CACHD1: variants seen among roughly 807,000 people sequenced by gnomAD.
CACHD1 encodes VWFA and cache domain-containing protein 1.
In CACHD1, 71 loss-of-function variants were observed where a neutral mutation model predicts 138.7. The observed-to-expected ratio is 0.51, with a 90% CI of 0.42 to 0.62. CACHD1 has a LOEUF of 0.62. Among genes scored for constraint, CACHD1 ranks in the 20% least tolerant of loss-of-function variants. The probability of loss-of-function intolerance (pLI) is 0.00; values close to 1 mark genes in which losing one functional copy is unlikely to be tolerated. For missense variants in CACHD1, 1,389 were observed against 1,625.3 expected, an observed-to-expected ratio of 0.85 and a Z score of 2.50; for synonymous variants, 578 against 591.5, an observed-to-expected ratio of 0.98 and a Z score of 0.33.
intron 7 of CACHD1, among the ~76,000 whole-genome samples, chr1:64,640,973 T>C (rs1272540586): frequency 6.6e-6 from 1 of 152,126 alleles, no homozygotes; most frequent in African/African-American, 2.4e-5. Context: ...CAGCCCTATT[T>C]GGAAAATAAT....
intron 3 of CACHD1, among the ~76,000 whole-genome samples, chr1:64,583,103 T>C (rs546376417): frequency 6.6e-6 from 1 of 152,370 alleles, no homozygotes; most frequent in East Asian, 1.9e-4. Context: ...GCATGACAAG[T>C]GCTCTTGCGG....
rs140966471 is a variant in CACHD1, at chr1:64,543,402, CAT to C, written c.199-7169_199-7168del. On this transcript the variant is annotated intron_variant, in intron 1 of 26. Coordinates refer to ENST00000651257, the MANE Select transcript of CACHD1 (RefSeq NM_020925.4). ...GAGATCCTATCTCTAAAAAAAAATA[CAT>C]ATATATATATATATATATATATTTA... Among the ~76,000 whole-genome samples, 1,046 of 126,860 alleles carry C rather than the reference CAT, an allele frequency of 8.2e-3. 24 individuals are homozygous for C. Among genetic ancestry groups the C allele is most frequent in the African/African-American group, 0.032 (973 of 30,608 alleles). 83.2% of individuals were successfully genotyped at this position (126,860 alleles called of 152,430 possible).
At chr1:64,592,290 G>A (rs540515819) in intron 3 of CACHD1, among the ~76,000 whole-genome samples, 2 of 152,272 alleles carry the variant, frequency 1.3e-5, no homozygotes, top group African/African-American at 4.8e-5. Context: ...CAACTTGTCT[G>A]TACCATCTTC....
intron 2 of CACHD1, among the ~76,000 whole-genome samples, chr1:64,561,169 G>A (rs573256537): frequency 7.1e-6 from 1 of 140,992 alleles, no homozygotes; most frequent in Non-Finnish European, 1.6e-5. Context: ...TTTTTTTTCT[G>A]TTTTTTTTTT....
chr1:64,690,890 C>G (rs1650527001), intron 26 of CACHD1, among the ~76,000 whole-genome samples: 1 of 152,188 alleles, frequency 6.6e-6, no homozygotes, highest in African/African-American at 2.4e-5. Flanking sequence ...AGATCTTCTT[C>G]TTGAAGCTGT....
In CACHD1 at chr1:64,470,677, G is replaced by C. The variant is rs1055132827; in HGVS notation, c.-68G>C. ...TTTGCGGGGTGCGCCGCGCTTTTGC[G>C]GGGGGCACCTCCCGCGGCCCGCTTC... On this transcript the variant is annotated 5_prime_UTR_variant, in exon 1 of 27. Transcript: ENST00000651257. The surrounding 1 kb of genome is among the most constrained non-coding windows in gnomAD (Gnocchi z 5.2). The C allele has an allele frequency of 2.2e-6, 1 of 457,576 alleles. No individual in the cohort carries two copies. Among genetic ancestry groups the C allele is most frequent in the Non-Finnish European group, 3.8e-6 (1 of 262,638 alleles). The allele number at this position is 457,576 out of a possible 1,614,324, so 28.3% of individuals were successfully genotyped here. A position where few individuals can be genotyped will look rare whatever the true frequency, so the allele number is the denominator to read the frequency against.
rs1235998444 is a variant in CACHD1 at position 64,654,718 on chromosome 1, C to A, written c.1697C>A (p.Pro566His). ...LPLGSQIIAVPVNSSLSWHIN... is the reference protein window; with the variant it reads ...LPLGSQIIAVHVNSSLSWHIN... ...CTGGGCAGCCAGATTATCGCAGTCC[C>A]TGTGAACTCATCCCTGTCTTGGCAC... Residue 566 changes from proline (P) to histidine (H), a missense_variant, in exon 12 of 27, where the codon CCT becomes CAT. Pro to His is a moderately conservative substitution (Grantham distance 77). Coordinates refer to ENST00000651257, the MANE Select transcript of CACHD1 (RefSeq NM_020925.4). 2.5e-6 allele frequency: 4 copies of A among 1,613,776 alleles called. No homozygotes were observed. In the African/African-American group the frequency reaches 5.3e-5, roughly 22 times the overall value.
chr1:64,608,685 T>C (rs1647416945), intron 4 of CACHD1, among the ~76,000 whole-genome samples: 1 of 152,226 alleles, frequency 6.6e-6, no homozygotes, highest in African/African-American at 2.4e-5. Context: ...AGTTTGACAG[T>C]GCATGTGTTA....
chr1:64,636,129 T>G (rs1648518877), intron 7 of CACHD1, among the ~76,000 whole-genome samples: 1 of 151,948 alleles, frequency 6.6e-6, no homozygotes, highest in Non-Finnish European at 1.5e-5. Context: ...AAAAAATCTG[T>G]TTATAGTTTT....
At position 64,682,050 on chromosome 1, in the gene CACHD1, A is replaced by AGTG. The variant is rs1650210524; in HGVS notation, c.3530_3531insGTG (p.His1177delinsGlnCys). ...GCTGCGGTCATCGAACGACATGCAC[A>AGTG]CAGTCCAGAAAGAAGGCGCCGCTAC... On this transcript the variant is annotated protein_altering_variant, in exon 26 of 27. Transcript: ENST00000651257. 3 of 1,614,012 alleles carry AGTG rather than the reference A, an allele frequency of 1.9e-6. No individual in the cohort carries two copies. Among genetic ancestry groups the AGTG allele is most frequent in the Admixed American group, 3.3e-5 (2 of 59,996 alleles).
intron 2 of CACHD1, among the ~76,000 whole-genome samples, chr1:64,556,961 TACAA>T (rs1263571860): frequency 6.6e-6 from 1 of 151,934 alleles, no homozygotes; most frequent in Non-Finnish European, 1.5e-5. Context: ...CTACTAAAAA[TACAA>T]AAAATTAGCC....
intron 1 of CACHD1, among the ~76,000 whole-genome samples, chr1:64,497,371 T>G (rs992938471): frequency 6.6e-6 from 1 of 152,134 alleles, no homozygotes; most frequent in Non-Finnish European, 1.5e-5. Flanking sequence ...GCTTGTGGGC[T>G]GGGGGAAATA....
chr1:64,477,639 T>TTC (rs1557455159), intron 1 of CACHD1, among the ~76,000 whole-genome samples: 3 of 146,412 alleles, frequency 2.0e-5, no homozygotes, highest in African/African-American at 7.6e-5. Context: ...ATTTTATTTT[T>TTC]TTTTTTGAGA....
intron 2 of CACHD1, among the ~76,000 whole-genome samples, chr1:64,567,493 A>C (rs572944494): frequency 1.3e-5 from 2 of 152,198 alleles, no homozygotes; most frequent in African/African-American, 4.8e-5. Context: ...ACTGCTTCAC[A>C]TAAGTCATCC....
chr1:64,674,587 T>G (rs896289123), intron 19 of CACHD1, among the ~76,000 whole-genome samples: 1 of 152,094 alleles, frequency 6.6e-6, no homozygotes, highest in African/African-American at 2.4e-5. Context: ...GAGGTGGGTG[T>G]CTTCCAGACA....
chr1:64,677,397 C>T (rs1024586856), intron 22 of CACHD1, among the ~76,000 whole-genome samples: 15 of 152,168 alleles, frequency 9.9e-5, no homozygotes, highest in African/African-American at 3.4e-4. Flanking sequence ...GTTTTGAGAA[C>T]TAAAAACTAC....
chr1:64,633,169 G>A (rs1648375162), intron 6 of CACHD1, among the ~76,000 whole-genome samples: 1 of 152,162 alleles, frequency 6.6e-6, no homozygotes, highest in Admixed American at 6.5e-5. Context: ...ATCCAAAATT[G>A]AAAGTACAGC....
intron 3 of CACHD1, among the ~76,000 whole-genome samples, chr1:64,598,741 A>G (rs567900916): frequency 6.6e-6 from 1 of 152,186 alleles, no homozygotes; most frequent in Admixed American, 6.5e-5. Context: ...TGTATTTGGC[A>G]TAGGGGGAAG....
rs141379210 is a variant in CACHD1 at position 64,576,714 on chromosome 1, G to A, written c.262-5442G>A. On this transcript the variant is annotated intron_variant, in intron 2 of 26. Transcript: ENST00000651257. ...AGTGTTCTCTTACTATCCTATAATG[G>A]TACATAGTCAAGGTGAAATTCTTTA... Among the ~76,000 whole-genome samples the A allele has an allele frequency of 4.6e-5, 7 of 152,172 alleles. No homozygotes were observed. In the East Asian group the frequency reaches 1.4e-3, roughly 29 times the overall value.
Sources: allele counts gnomAD v4.1 joint callset (sites outside exome capture counted in the v4.1 genomes callset), GRCh38; gene constraint gnomAD v4.1.1; non-coding constraint Gnocchi (gnomAD v3.1); transcripts MANE v1.5; gene names NCBI Gene and HGNC (gene_info 2026-07-23, HGNC 2026-07-21).